RALGPS2: variants seen among roughly 807,000 people sequenced by gnomAD.
RALGPS2 encodes the protein ras-specific guanine nucleotide-releasing factor RalGPS2.
Under a neutral mutation model 86.8 loss-of-function variants are expected in RALGPS2, and 43 were observed. The observed-to-expected ratio is 0.50, with a 90% CI of 0.39 to 0.64. The LOEUF is 0.64. Ranked by LOEUF, RALGPS2 falls within the 30% of genes least tolerant of loss-of-function variation. RALGPS2 has a pLI of 0.00. For synonymous variants in RALGPS2, 243 were observed against 231.3 expected (o/e 1.05, Z -0.46); for missense variants, 536 against 694.6 (o/e 0.77, Z 2.57).
chr1:178,907,379 T>C (rs1283620380), intron 19 of RALGPS2, among the ~76,000 whole-genome samples: 7 of 152,254 alleles, frequency 4.6e-5, no homozygotes, highest in East Asian at 1.9e-4. Flanking sequence ...ATTAAATTAA[T>C]AAAAATTATT....
intron 1 of RALGPS2, among the ~76,000 whole-genome samples, chr1:178,741,254 T>G (rs371277542): frequency 1.1e-3 from 161 of 152,334 alleles, no homozygotes; most frequent in Admixed American, 2.0e-3. Flanking sequence ...ATTAACTCAT[T>G]GGATGTTTCT....
At chr1:178,811,794 A>G (rs1654986648) in intron 6 of RALGPS2, among the ~76,000 whole-genome samples, 1 of 152,226 alleles carries the variant, frequency 6.6e-6, no homozygotes, top group African/African-American at 2.4e-5. Flanking sequence ...GTGAAGAATA[A>G]GACTTTATTT....
At chr1:178,872,705 A>G (rs1658823536) in intron 8 of RALGPS2, among the ~76,000 whole-genome samples, 1 of 152,220 alleles carries the variant, frequency 6.6e-6, no homozygotes, top group African/African-American at 2.4e-5. Flanking sequence ...AAAATAAGAG[A>G]TAATAAATTC....
chr1:178,740,608 A>G (rs532006194), intron 1 of RALGPS2, among the ~76,000 whole-genome samples: 32 of 152,364 alleles, frequency 2.1e-4, no homozygotes, highest in Non-Finnish European at 3.4e-4. Context: ...CCATTTGGTA[A>G]CTATAAAAGA....
chr1:178,909,008 G>GT (rs1162704370), intron 19 of RALGPS2, among the ~76,000 whole-genome samples: 1 of 152,120 alleles, frequency 6.6e-6, no homozygotes, highest in Non-Finnish European at 1.5e-5. Context: ...TATATCCTAG[G>GT]TTATCTTTCA....
chr1:178,776,891 G>A (rs945219931), intron 2 of RALGPS2, 70 bp downstream of exon 2: 6 of 1,248,076 alleles, frequency 4.8e-6, no homozygotes, highest in Non-Finnish European at 6.9e-6. Context: ...CATTATGTTT[G>A]TTCACATACT....
chr1:178,806,753 G>A (rs545031904), intron 4 of RALGPS2, among the ~76,000 whole-genome samples: 2 of 150,960 alleles, frequency 1.3e-5, no homozygotes, highest in African/African-American at 4.9e-5. Context: ...AGTTTTCTTC[G>A]CTCCCTGCCC....
intron 1 of RALGPS2, among the ~76,000 whole-genome samples, chr1:178,750,751 G>A (rs1035266997): frequency 5.9e-5 from 9 of 152,056 alleles, no homozygotes; most frequent in Admixed American, 5.9e-4. Context: ...TCTCAAATTC[G>A]TCAAATGTCC....
intron 8 of RALGPS2, among the ~76,000 whole-genome samples, chr1:178,834,898 C>T (rs993905405): frequency 6.6e-6 from 1 of 152,226 alleles, no homozygotes; most frequent in East Asian, 1.9e-4. Flanking sequence ...CTGCTTCAGC[C>T]TCCCAAGTAG....
chr1:178,872,404 C>G (rs1325950020), intron 8 of RALGPS2, among the ~76,000 whole-genome samples: 4 of 152,098 alleles, frequency 2.6e-5, no homozygotes, highest in Admixed American at 2.0e-4. Flanking sequence ...TAGTAAGATA[C>G]TGGAGGGAAA....
intron 4 of RALGPS2, among the ~76,000 whole-genome samples, chr1:178,798,491 G>A (rs193270207): frequency 1.4e-3 from 210 of 152,312 alleles, no homozygotes; most frequent in Non-Finnish European, 1.3e-3. Flanking sequence ...AGTGGTGGTG[G>A]AAGTGCTTCT....
At chr1:178,841,020 C>T (rs1332999869) in intron 8 of RALGPS2, among the ~76,000 whole-genome samples, 2 of 152,062 alleles carry the variant, frequency 1.3e-5, no homozygotes, top group African/African-American at 4.8e-5. Context: ...AGCCTACCAA[C>T]CAAAGAAAGT....
chr1:178,869,827 T>G (rs1434310747), intron 8 of RALGPS2, among the ~76,000 whole-genome samples: 1 of 152,102 alleles, frequency 6.6e-6, no homozygotes, highest in African/African-American at 2.4e-5. Flanking sequence ...GGCATACTAT[T>G]GGTAACGAGT....
intron 19 of RALGPS2, among the ~76,000 whole-genome samples, chr1:178,912,345 A>G (rs1433467442): frequency 2.0e-5 from 3 of 152,180 alleles, no homozygotes; most frequent in Non-Finnish European, 4.4e-5. Context: ...TTCCACATGT[A>G]GCACTCCTTA....
rs1400956333 is a variant in RALGPS2 at position 178,919,883 on chromosome 1, T to C, written c.*3524T>C. ...TCTTTAATAAAGCAAATCCTCTGCTTCAAAGGTTTTTGAAATAATTGGATC... is the reference window on the plus strand; with the variant it reads ...TCTTTAATAAAGCAAATCCTCTGCTCCAAAGGTTTTTGAAATAATTGGATC... On this transcript the variant is annotated 3_prime_UTR_variant, in exon 20 of 20. Transcript: ENST00000367635. The C allele has an allele frequency of 1.3e-5, 2 of 152,034 alleles. No individual in the cohort carries two copies. Among genetic ancestry groups the C allele is most frequent in the Non-Finnish European group, 2.9e-5 (2 of 67,900 alleles). The allele number at this position is 152,034 out of a possible 1,614,324, so 9.4% of individuals were successfully genotyped here. A position where few individuals can be genotyped will look rare whatever the true frequency, so the allele number is the denominator to read the frequency against.
At chr1:178,775,942 G>T (rs748470424) in intron 1 of RALGPS2, among the ~76,000 whole-genome samples, 20 of 149,954 alleles carry the variant, frequency 1.3e-4, no homozygotes, top group Non-Finnish European at 2.5e-4. Flanking sequence ...AAAAAGGATG[G>T]TTGCATCTGT....
chr1:178,752,371 C>T (rs1419834171), intron 1 of RALGPS2, among the ~76,000 whole-genome samples: 2 of 150,136 alleles, frequency 1.3e-5, no homozygotes, highest in African/African-American at 2.5e-5. Flanking sequence ...ACTTTGTTGC[C>T]TAGGCTGGTC....
intron 6 of RALGPS2, among the ~76,000 whole-genome samples, chr1:178,814,159 T>C (rs987796235): frequency 2.0e-5 from 3 of 152,222 alleles, no homozygotes; most frequent in Non-Finnish European, 4.4e-5. Context: ...AAATATATGC[T>C]TTTGGATTTT....
chr1:178,776,957 A>G, intron 2 of RALGPS2, 136 bp downstream of exon 2: 1 of 642,584 alleles, frequency 1.6e-6, no homozygotes, highest in East Asian at 3.1e-5. Context: ...TTTAAATTTT[A>G]TTTTTTTTTA....
Sources: allele counts gnomAD v4.1 joint callset (sites outside exome capture counted in the v4.1 genomes callset), GRCh38; gene constraint gnomAD v4.1.1; transcripts MANE v1.5; gene names NCBI Gene and HGNC (gene_info 2026-07-23, HGNC 2026-07-21).